NEK11: variants seen among roughly 807,000 people sequenced by gnomAD.
The protein encoded by NEK11 is serine/threonine-protein kinase Nek11.
Under a neutral mutation model 80.7 loss-of-function variants are expected in NEK11, and 72 were observed. The observed-to-expected ratio is 0.89, with a 90% CI of 0.74 to 1.08. NEK11 has a LOEUF of 1.08. NEK11 is among the 50% of genes least tolerant of loss of function. NEK11 has a pLI of 0.00. For missense variants in NEK11, 764 were observed against 763.6 expected (o/e 1.00, Z -0.01); for synonymous variants, 251 against 260.7 (o/e 0.96, Z 0.36).
intron 17 of NEK11, among the ~76,000 whole-genome samples, chr3:131,303,155 C>G (rs965568927): frequency 3.9e-5 from 6 of 152,068 alleles, no homozygotes; most frequent in Non-Finnish European, 7.4e-5. Context: ...AGTGCCCCTG[C>G]TTTTTCCTGT....
intron 5 of NEK11, among the ~76,000 whole-genome samples, chr3:131,117,375 G>C (rs1578530058): frequency 1.3e-5 from 2 of 152,172 alleles, no homozygotes; most frequent in African/African-American, 4.8e-5. Context: ...TTTGGTTACT[G>C]TAGCCTTGTA....
intron 14 of NEK11, among the ~76,000 whole-genome samples, chr3:131,172,873 C>T (rs2092776907): frequency 6.6e-6 from 1 of 152,194 alleles, no homozygotes. Flanking sequence ...CAAAGTCCAC[C>T]AAACCCAAGA....
chr3:131,118,244 G>T (rs772243852), intron 5 of NEK11, among the ~76,000 whole-genome samples: 3 of 152,134 alleles, frequency 2.0e-5, no homozygotes, highest in Non-Finnish European at 4.4e-5. Flanking sequence ...TGTGGTTTTT[G>T]TCTTTGGTTC....
intron 13 of NEK11, 91 bp downstream of exon 13, chr3:131,169,028 T>C: frequency 2.2e-6 from 2 of 895,518 alleles, no homozygotes; most frequent in Non-Finnish European, 3.5e-6. Flanking sequence ...AGCCGAACAC[T>C]TTGCAGAGGA....
chr3:131,205,295 G>A (rs923228410), intron 14 of NEK11, among the ~76,000 whole-genome samples: 1 of 152,148 alleles, frequency 6.6e-6, no homozygotes, highest in African/African-American at 2.4e-5. Flanking sequence ...GTGTTGGAAT[G>A]CACTTTTGAA....
intron 7 of NEK11, among the ~76,000 whole-genome samples, chr3:131,144,768 C>T (rs1158129442): frequency 6.6e-6 from 1 of 152,124 alleles, no homozygotes. Flanking sequence ...ACCACTATAG[C>T]AGGTCCGTTT....
chr3:131,032,114 A>T (rs1425660189), intron 3 of NEK11, among the ~76,000 whole-genome samples: 1 of 152,024 alleles, frequency 6.6e-6, no homozygotes, highest in Non-Finnish European at 1.5e-5. Context: ...GGCATGCACC[A>T]CCACACCTGG....
intron 17 of NEK11, among the ~76,000 whole-genome samples, chr3:131,305,546 G>A (rs1311278580): frequency 6.6e-6 from 1 of 152,174 alleles, no homozygotes; most frequent in South Asian, 2.1e-4. Context: ...GGAGCATGGT[G>A]AGCCTTGGGG....
chr3:131,152,675 T>C lies in NEK11; in HGVS notation c.842T>C (p.Ile281Thr), dbSNP rs774254639. 3 of 1,613,716 alleles carry C rather than the reference T, an allele frequency of 1.9e-6. No homozygotes were observed. The highest frequency in any genetic ancestry group is 2.5e-6 in the Non-Finnish European group (3 of 1,179,754). ...NPSLRPSAIE[I>T]LKIPYLDEQL... ...TCATTAAGACCATCTGCTATCGAAA[T>C]TTTAAAAATCCCTTACCTTGATGAG... The change falls in exon 9 of 18, where the codon ATT becomes ACT. Residue 281 changes from isoleucine to threonine, a missense_variant. Ile to Thr is a moderately conservative substitution (Grantham distance 89, BLOSUM62 -1). Transcript: ENST00000383366.
At chr3:131,294,246 AT>A (rs1383595569) in intron 17 of NEK11, among the ~76,000 whole-genome samples, 13 of 152,038 alleles carry the variant, frequency 8.6e-5, no homozygotes, top group Non-Finnish European at 4.4e-5. Context: ...ATATCCACAA[AT>A]TTTGATAAGT....
At chr3:131,152,220 A>T (rs139481186) in intron 7 of NEK11, among the ~76,000 whole-genome samples, 168 bp from the exon 8 acceptor site, 239 of 151,764 alleles carry the variant, frequency 1.6e-3, no homozygotes, top group African/African-American at 5.4e-3. Context: ...TTTGGTAAAC[A>T]TGTATTTAAA....
intron 17 of NEK11, among the ~76,000 whole-genome samples, chr3:131,292,449 G>A (rs573553605): frequency 2.5e-4 from 38 of 151,612 alleles, no homozygotes; most frequent in Non-Finnish European, 5.3e-4. Flanking sequence ...CATCCACAAA[G>A]TAACTTGCTG....
At chr3:131,062,169 C>T (rs6769937) in intron 3 of NEK11, among the ~76,000 whole-genome samples, 25,082 of 152,160 alleles carry the variant, frequency 0.16, 2,190 homozygotes, top group Middle Eastern at 0.2. Flanking sequence ...CCAAGGAACA[C>T]GATTTAGGGT....
At chr3:131,163,636 G>T (rs2091901356) in intron 11 of NEK11, among the ~76,000 whole-genome samples, 4 of 152,142 alleles carry the variant, frequency 2.6e-5, no homozygotes, top group Admixed American at 2.6e-4. Context: ...TCAGACAGGA[G>T]AAATAAGTTC....
intron 14 of NEK11, among the ~76,000 whole-genome samples, chr3:131,207,583 A>C (rs953565712): frequency 6.7e-6 from 1 of 150,258 alleles, no homozygotes; most frequent in African/African-American, 2.4e-5. Flanking sequence ...TATCTCAAGA[A>C]AAAAAAAAAG....
rs780953084 is a variant in NEK11, at chr3:131,162,530, A to C, written c.1082+3A>C. 1 of 1,613,936 alleles carries C rather than the reference A, an allele frequency of 6.2e-7. No homozygotes were observed. The highest frequency in any genetic ancestry group is 1.7e-5 in the Admixed American group (1 of 59,998). Reference sequence around the variant, plus strand: ...GATGAGAAAGCCAGGAAGCTGAAGTAAGCTGCTTTTCCTTTAGGCACTCAT... The same window carrying C: ...GATGAGAAAGCCAGGAAGCTGAAGTCAGCTGCTTTTCCTTTAGGCACTCAT... On this transcript the variant is annotated splice_donor_region_variant and intron_variant, in intron 11 of 17. Transcript: ENST00000383366.
chr3:131,209,524 A>G (rs1017345531), intron 14 of NEK11, among the ~76,000 whole-genome samples: 1 of 152,012 alleles, frequency 6.6e-6, no homozygotes, highest in African/African-American at 2.4e-5. Context: ...CTCTTTTTCT[A>G]TTGATCTATT....
At chr3:131,285,568 T>G (rs1181567441) in intron 17 of NEK11, among the ~76,000 whole-genome samples, 2 of 152,220 alleles carry the variant, frequency 1.3e-5, no homozygotes, top group Non-Finnish European at 2.9e-5. Context: ...CTTCTCTATT[T>G]TGAAAAACAG....
chr3:131,246,834 A>G (rs1282121380), intron 16 of NEK11, among the ~76,000 whole-genome samples: 2 of 151,964 alleles, frequency 1.3e-5, no homozygotes, highest in Non-Finnish European at 2.9e-5. Flanking sequence ...GTATCACATT[A>G]TGGTTTTTAT....
Sources: gnomAD v4.1 joint callset for allele counts (sites outside exome capture counted in the v4.1 genomes callset) on GRCh38, gnomAD v4.1.1 for gene constraint, MANE v1.5 for transcripts, NCBI Gene and HGNC (gene_info 2026-07-23, HGNC 2026-07-21) for gene names.